The following FRMD4A variants were observed in gnomAD, a reference collection of about 807,000 sequenced individuals.
FRMD4A encodes FERM domain-containing protein 4A.
FRMD4A carries 29 observed loss-of-function variants against 129.1 expected under a neutral mutation model. The observed-to-expected ratio is 0.22, with a 90% CI of 0.17 to 0.31. The LOEUF (loss-of-function observed/expected upper bound fraction) is 0.31, where lower values mean the gene tolerates loss of function less well. Among genes scored for constraint, FRMD4A ranks in the 10% least tolerant of loss-of-function variants. The pLI, the probability that FRMD4A is intolerant of heterozygous loss-of-function variation, is 1.00. For synonymous variants in FRMD4A, 634 were observed against 571.6 expected (o/e 1.11, Z -1.56); for missense variants, 1,272 against 1,375.8 (o/e 0.92, Z 1.19).
chr10:14,328,634 GT>G (rs1369542789), intron 2 of FRMD4A, among the ~76,000 whole-genome samples: 9 of 148,050 alleles, frequency 6.1e-5, no homozygotes, highest in African/African-American at 2.3e-4. Flanking sequence ...GCATGTGTGT[GT>G]GTGTGTGTGT....
At chr10:13,655,358 G>C (rs562751525) in intron 22 of FRMD4A, 1 of 151,870 alleles carries the variant, frequency 6.6e-6, no homozygotes, top group Non-Finnish European at 1.5e-5. Flanking sequence ...TTTACAAAAC[G>C]TTGGTTCTTT....
chr10:13,700,820 CTTT>C (rs71503097), intron 14 of FRMD4A, among the ~76,000 whole-genome samples: 115 of 44,704 alleles, frequency 2.6e-3, no homozygotes, highest in East Asian at 0.01. Context: ...AGGGTAGTTG[CTTT>C]TTTTTTTTTT....
intron 12 of FRMD4A, among the ~76,000 whole-genome samples, chr10:13,713,993 A>AAT (rs1554858779): frequency 5.8e-5 from 4 of 69,382 alleles, no homozygotes; most frequent in East Asian, 3.4e-4. Context: ...ATACATATAT[A>AAT]ATATACATAT....
intron 2 of FRMD4A, among the ~76,000 whole-genome samples, chr10:14,256,785 C>T (rs369548819): frequency 6.6e-6 from 1 of 151,994 alleles, no homozygotes; most frequent in East Asian, 1.9e-4. Context: ...AAGTTTGAGA[C>T]CAGCCTGGGC....
chr10:13,877,266 T>C (rs1254768345), intron 2 of FRMD4A, among the ~76,000 whole-genome samples: 1 of 152,212 alleles, frequency 6.6e-6, no homozygotes, highest in East Asian at 1.9e-4. Flanking sequence ...CCAGGCCACC[T>C]GCTTTGCTAA....
At chr10:14,021,358 A>G (rs1302873480) in intron 2 of FRMD4A, among the ~76,000 whole-genome samples, 3 of 151,466 alleles carry the variant, frequency 2.0e-5, no homozygotes, top group African/African-American at 7.3e-5. Flanking sequence ...CCTGGGCAAT[A>G]TAACAAGACC....
At chr10:14,196,628 T>C (rs1842479727) in intron 2 of FRMD4A, among the ~76,000 whole-genome samples, 2 of 152,246 alleles carry the variant, frequency 1.3e-5, no homozygotes, top group South Asian at 4.1e-4. Context: ...CTGACATCTA[T>C]GTGGTTGTCT....
intron 4 of FRMD4A, among the ~76,000 whole-genome samples, chr10:13,802,261 A>C (rs1247681556): frequency 6.6e-6 from 1 of 152,206 alleles, no homozygotes; most frequent in African/African-American, 2.4e-5. Flanking sequence ...CCTTCAATAG[A>C]GATGGCCTCA....
chr10:14,028,702 C>T lies in FRMD4A; in HGVS notation c.46-169790G>A, dbSNP rs532619874. 2.0e-5 allele frequency among the ~76,000 whole-genome samples: 3 copies of T among 152,288 alleles called. No individual in the cohort carries two copies. In the East Asian group the frequency reaches 5.8e-4, roughly 29 times the overall value. ...ATTATGACACATTGCACGCTTGTAT[C>T]GATATCCATACTCCCACCCTGTGGG... On this transcript the variant is annotated intron_variant, in intron 2 of 24. Transcript: ENST00000357447.
rs2091394748 is a variant in FRMD4A, at chr10:13,748,235, G to A, written c.465-416C>T. On this transcript the variant is annotated intron_variant, in intron 8 of 24. Coordinates refer to ENST00000357447, the MANE Select transcript of FRMD4A (RefSeq NM_018027.5). ...GTTAGGCTCACAGAGCTCCGAGAAT[G>A]GGCAATGGCGCCACTGTCTCCCTAA... is the stretch of plus-strand genomic sequence containing the variant. 2.0e-5 allele frequency among the ~76,000 whole-genome samples: 3 copies of A among 152,154 alleles called. No homozygotes were observed. In the South Asian group the frequency reaches 6.2e-4, roughly 31 times the overall value.
intron 22 of FRMD4A, chr10:13,655,944 CTTTTT>C (rs60151046): frequency 6.7e-6 from 1 of 148,394 alleles, no homozygotes; most frequent in Non-Finnish European, 1.5e-5. Context: ...TGGTTTCTTC[CTTTTT>C]TTTTTGTTTT....
At chr10:14,000,366 G>A (rs1222763689) in intron 2 of FRMD4A, among the ~76,000 whole-genome samples, 4 of 152,020 alleles carry the variant, frequency 2.6e-5, no homozygotes, top group Non-Finnish European at 5.9e-5. Context: ...TTTCCCCCGG[G>A]GCAGGTGTGG....
intron 2 of FRMD4A, among the ~76,000 whole-genome samples, chr10:14,122,616 G>C (rs950132151): frequency 6.6e-6 from 1 of 151,228 alleles, no homozygotes; most frequent in African/African-American, 2.4e-5. Context: ...GGGGGTAGGG[G>C]AGGGCTGCTA....
At chr10:13,660,578 A>G in intron 19 of FRMD4A, 25 bp from the exon 20 acceptor site, 1 of 1,429,594 alleles carries the variant, frequency 7.0e-7, no homozygotes. Flanking sequence ...GAAGAGAGGA[A>G]CTGAGCCCCG....
At chr10:14,257,142 CCAACCTGGT>C (rs1844643713) in intron 2 of FRMD4A, among the ~76,000 whole-genome samples, 1 of 152,108 alleles carries the variant, frequency 6.6e-6, no homozygotes, top group Non-Finnish European at 1.5e-5. Flanking sequence ...ACCAGCCTGG[CCAACCTGGT>C]GAAACCCCAC....
intron 2 of FRMD4A, among the ~76,000 whole-genome samples, chr10:14,282,942 C>A (rs911279908): frequency 5.3e-5 from 8 of 152,176 alleles, no homozygotes; most frequent in African/African-American, 1.7e-4. Flanking sequence ...TTAGCTACAA[C>A]CAGAAAAAGT....
intron 2 of FRMD4A, among the ~76,000 whole-genome samples, chr10:14,303,059 T>C (rs1401404771): frequency 6.6e-6 from 1 of 152,220 alleles, no homozygotes; most frequent in African/African-American, 2.4e-5. Flanking sequence ...ACTTGCCCTA[T>C]AGCAGCAGAT....
chr10:13,854,257 T>C (rs992168496), intron 3 of FRMD4A, among the ~76,000 whole-genome samples: 37 of 152,280 alleles, frequency 2.4e-4, no homozygotes, highest in Non-Finnish European at 2.5e-4. Context: ...GGTCAGAGAA[T>C]AAATGAAGAA....
chr10:14,241,420 CT>C (rs1419416681), intron 2 of FRMD4A, among the ~76,000 whole-genome samples: 1 of 151,988 alleles, frequency 6.6e-6, no homozygotes, highest in Non-Finnish European at 1.5e-5. Flanking sequence ...TTCAGGACAA[CT>C]TTGTATTCAG....
Sources: allele counts gnomAD v4.1 joint callset (sites outside exome capture counted in the v4.1 genomes callset), GRCh38; gene constraint gnomAD v4.1.1; transcripts MANE v1.5; gene names NCBI Gene and HGNC (gene_info 2026-07-23, HGNC 2026-07-21).